ANKH: variants seen among roughly 807,000 people sequenced by gnomAD.
The protein encoded by ANKH is ANKH inorganic pyrophosphate transport regulator, also known as mineralization regulator ANKH.
A neutral mutation model predicts 49.0 loss-of-function variants in ANKH; 15 were observed. The ratio of observed to expected loss-of-function variants is 0.31; its 90% confidence interval spans 0.20 to 0.47. The LOEUF (loss-of-function observed/expected upper bound fraction) is 0.47. Ranked by LOEUF, ANKH falls within the 20% of genes least tolerant of loss-of-function variation. ANKH has a pLI of 1.00. For synonymous variants in ANKH, 273 were observed against 260.0 expected, an observed-to-expected ratio of 1.05 and a Z score of -0.48; for missense variants, 429 against 652.0, an observed-to-expected ratio of 0.66 and a Z score of 3.72.
intron 4 of ANKH, among the ~76,000 whole-genome samples, chr5:14,753,520 C>T (rs992727293): frequency 3.3e-5 from 5 of 152,020 alleles, no homozygotes; most frequent in African/African-American, 1.2e-4. Context: ...CCTTGAAAGG[C>T]GAGGGCTGAT....
At chr5:14,821,018 A>G (rs1480221311) in intron 1 of ANKH, among the ~76,000 whole-genome samples, 1 of 151,602 alleles carries the variant, frequency 6.6e-6, no homozygotes, top group African/African-American at 2.4e-5. Context: ...GGATTGCTTG[A>G]GCTTGGGAGA....
intron 9 of ANKH, among the ~76,000 whole-genome samples, chr5:14,715,084 AG>A (rs563156797): frequency 2.8e-3 from 424 of 152,354 alleles, no homozygotes; most frequent in African/African-American, 9.6e-3. Flanking sequence ...CCTTAGAGCA[AG>A]GGCCGTTCCA....
intron 4 of ANKH, among the ~76,000 whole-genome samples, chr5:14,754,088 A>C (rs1738803223): frequency 6.6e-6 from 1 of 152,214 alleles, no homozygotes. Context: ...ACAAGGTTTA[A>C]AATAACTACT....
intron 1 of ANKH, among the ~76,000 whole-genome samples, chr5:14,846,321 T>G (rs1483536511): frequency 6.6e-6 from 1 of 152,212 alleles, no homozygotes; most frequent in East Asian, 1.9e-4. Context: ...ACTGCTTTCC[T>G]TTAATTTTCC....
At chr5:14,749,099 T>C in intron 6 of ANKH, 73 bp downstream of exon 6, 1 of 1,600,666 alleles carries the variant, frequency 6.2e-7, no homozygotes, top group South Asian at 1.1e-5. Flanking sequence ...CGAGAAGAAC[T>C]GGAAATCAGT....
intron 4 of ANKH, among the ~76,000 whole-genome samples, chr5:14,754,064 C>G (rs1738802087): frequency 6.6e-6 from 1 of 152,202 alleles, no homozygotes; most frequent in South Asian, 2.1e-4. Flanking sequence ...CAAATTGTGG[C>G]AGGAACTCAA....
At chr5:14,751,851 T>C (rs1738731004) in intron 4 of ANKH, among the ~76,000 whole-genome samples, 1 of 152,192 alleles carries the variant, frequency 6.6e-6, no homozygotes, top group African/African-American at 2.4e-5. Flanking sequence ...ATGGAATCTA[T>C]TTACTCATTA....
At chr5:14,750,382 G>A (rs569031235) in intron 5 of ANKH, among the ~76,000 whole-genome samples, 24 of 152,222 alleles carry the variant, frequency 1.6e-4, no homozygotes, top group Middle Eastern at 3.4e-3. Context: ...AACTTTCAGG[G>A]CACAGCAAGA....
At chr5:14,772,566 C>T (rs1439772736) in intron 1 of ANKH, among the ~76,000 whole-genome samples, 1 of 152,132 alleles carries the variant, frequency 6.6e-6, no homozygotes, top group African/African-American at 2.4e-5. Flanking sequence ...ACAAATTTTC[C>T]CTGATGGAAT....
intron 8 of ANKH, among the ~76,000 whole-genome samples, chr5:14,741,114 G>A (rs1026798367): frequency 1.3e-5 from 2 of 152,166 alleles, no homozygotes; most frequent in Non-Finnish European, 2.9e-5. Context: ...GTTGATAAAC[G>A]CTCTAAAAAA....
intron 1 of ANKH, among the ~76,000 whole-genome samples, chr5:14,854,651 C>A (rs1742206803): frequency 6.6e-6 from 1 of 152,218 alleles, no homozygotes; most frequent in Admixed American, 6.5e-5. Flanking sequence ...TGCCACTGCA[C>A]TCCAGCCTGA....
intron 8 of ANKH, among the ~76,000 whole-genome samples, chr5:14,717,724 C>T (rs1737523594): frequency 6.6e-6 from 1 of 152,130 alleles, no homozygotes; most frequent in Admixed American, 6.5e-5. Flanking sequence ...TTGAGTAACC[C>T]TTATCTGAAA....
intron 8 of ANKH, among the ~76,000 whole-genome samples, chr5:14,729,538 G>T (rs1561027441): frequency 6.6e-6 from 1 of 151,958 alleles, no homozygotes; most frequent in Non-Finnish European, 1.5e-5. Context: ...GCGAGAGGCA[G>T]TGCCAGACAG....
At chr5:14,866,027 TGAAATA>T (rs1483783543) in intron 1 of ANKH, among the ~76,000 whole-genome samples, 1 of 152,184 alleles carries the variant, frequency 6.6e-6, no homozygotes, top group Non-Finnish European at 1.5e-5. Flanking sequence ...CAAGGCAATT[TGAAATA>T]TCTAAAGTAT....
chr5:14,819,752 A>G (rs1015762190), intron 1 of ANKH, among the ~76,000 whole-genome samples: 1 of 152,036 alleles, frequency 6.6e-6, no homozygotes, highest in African/African-American at 2.4e-5. Context: ...TATAGTCCCA[A>G]CTACTTGGGA....
At chr5:14,723,313 C>G (rs1434130335) in intron 8 of ANKH, among the ~76,000 whole-genome samples, 1 of 151,034 alleles carries the variant, frequency 6.6e-6, no homozygotes, top group African/African-American at 2.4e-5. Flanking sequence ...GAACTCTGCA[C>G]CATCTCCACA....
rs554850537 is a variant in ANKH, at chr5:14,749,159, A to C, written c.822+13T>G. The C allele has an allele frequency of 9.3e-6, 15 of 1,613,944 alleles. No homozygotes were observed. The South Asian group carries it at 1.6e-4, about 18-fold the overall frequency. ...GGTGATCATAAGCCCCACATCCCCA[A>C]AGCATGGCCCACCTCTGTGGCTGCA... On this transcript the variant is annotated intron_variant, in intron 6 of 11. Transcript: ENST00000284268.
chr5:14,771,851 T>C (rs1739439140), intron 1 of ANKH, among the ~76,000 whole-genome samples: 1 of 146,786 alleles, frequency 6.8e-6, no homozygotes, highest in Non-Finnish European at 1.5e-5. Flanking sequence ...GAGGTGGAGG[T>C]TGCGATGAGC....
Position 14,713,760 on chromosome 5 carries a change from G to T in ANKH, c.1142-93C>A. ...CCAGGGCAGCACATCCGAGAGCCAG[G>T]GGCTGCCTAGGACCCTGGCCTTGCT... On this transcript the variant is annotated intron_variant, in intron 9 of 11. Transcript: ENST00000284268. The surrounding 1 kb of genome is among the most constrained non-coding windows in gnomAD (Gnocchi z 4.4). 6.3e-7 allele frequency: 1 copy of T among 1,574,802 alleles called. No homozygotes were observed. Among genetic ancestry groups the T allele is most frequent in the Non-Finnish European group, 8.7e-7 (1 of 1,150,188 alleles).
Sources: allele counts gnomAD v4.1 joint callset (sites outside exome capture counted in the v4.1 genomes callset), GRCh38; gene constraint gnomAD v4.1.1; non-coding constraint Gnocchi (gnomAD v3.1); transcripts MANE v1.5; gene names NCBI Gene and HGNC (gene_info 2026-07-23, HGNC 2026-07-21).